Variants in RASA3 observed in about 807,000 individuals in gnomAD.
RASA3 encodes the protein RAS p21 protein activator 3, also known as ras GTPase-activating protein 3.
Under a neutral mutation model 110.0 loss-of-function variants are expected in RASA3, and 73 were observed. The ratio of observed to expected loss-of-function variants is 0.66; its 90% CI spans 0.55 to 0.81. The LOEUF (loss-of-function observed/expected upper bound fraction) is 0.81, where lower values mean the gene tolerates loss of function less well. Among genes scored for constraint, RASA3 ranks in the 30% least tolerant of loss-of-function variants. The pLI, the probability that RASA3 is intolerant of heterozygous loss-of-function variation, is 0.00. For missense variants in RASA3, 976 were observed against 1,113.2 expected (o/e 0.88, Z 1.75); for synonymous variants, 500 against 451.4 (o/e 1.11, Z -1.37).
chr13:114,065,345 G>A lies in RASA3; in HGVS notation c.173+8375C>T, dbSNP rs748678047. ...CAGGCTCGGGGCCCATTTCCCAAAC[G>A]CTGGGGGGAGCCGGGAGCTGCCAGG... On this transcript the variant is annotated intron_variant, in intron 2 of 23. Transcript: ENST00000334062. This position sits in a 1 kb window ranked among gnomAD's most constrained non-coding sequence, Gnocchi z 4.1. 4.6e-5 allele frequency among the ~76,000 whole-genome samples: 7 copies of A among 152,216 alleles called. No individual in the cohort carries two copies. The highest frequency in any genetic ancestry group is 5.9e-5 in the Non-Finnish European group (4 of 68,040).
chr13:114,034,866 C>G lies in RASA3; in HGVS notation c.373-4979G>C, dbSNP rs193022657. 8.1e-4 allele frequency among the ~76,000 whole-genome samples: 123 copies of G among 152,162 alleles called. No homozygotes were observed. The Middle Eastern group carries it at 0.01, about 13-fold the overall frequency. On this transcript the variant is annotated intron_variant, in intron 4 of 23. Transcript: ENST00000334062. Reference sequence around the variant, plus strand: ...AGGGGAATCTGGAGTGCCGGCCACACAGACTAGAGCAGAAGGGAGATCTGA... The same window carrying G: ...AGGGGAATCTGGAGTGCCGGCCACAGAGACTAGAGCAGAAGGGAGATCTGA...
intron 3 of RASA3, among the ~76,000 whole-genome samples, chr13:114,046,572 C>T (rs1046181945): frequency 6.6e-6 from 1 of 152,172 alleles, no homozygotes; most frequent in African/African-American, 2.4e-5. Context: ...CGGGGTTGTT[C>T]CTATGGAAAG....
At chr13:114,012,279 G>C (rs1020087121) in intron 15 of RASA3, among the ~76,000 whole-genome samples, 1 of 151,778 alleles carries the variant, frequency 6.6e-6, no homozygotes, top group African/African-American at 2.4e-5. Flanking sequence ...CACCTGCAAC[G>C]AGGACGTTCC....
intron 14 of RASA3, among the ~76,000 whole-genome samples, chr13:114,013,995 TCTCCGTCTGTCTCTGTCTCTCTCC>T (rs2053730067): frequency 2.8e-5 from 4 of 142,132 alleles, no homozygotes; most frequent in African/African-American, 8.3e-5. Flanking sequence ...TCTCCATCTC[TCTCCGTCTGTCTCTGTCTCTCTCC>T]ATCTCTCTCT....
chr13:113,995,824 G>A (rs1357117696), intron 21 of RASA3, among the ~76,000 whole-genome samples: 1 of 63,728 alleles, frequency 1.6e-5, no homozygotes, highest in Non-Finnish European at 3.1e-5. Context: ...CTGACGGGGG[G>A]CCCGGCTGAC....
intron 1 of RASA3, among the ~76,000 whole-genome samples, chr13:114,074,217 G>A (rs965709736): frequency 6.6e-5 from 10 of 152,208 alleles, no homozygotes; most frequent in Admixed American, 5.2e-4. Flanking sequence ...CATCACCACC[G>A]TCCTCTCTGG....
chr13:114,016,319 C>A lies in RASA3; in HGVS notation c.1207-48G>T. On this transcript the variant is annotated intron_variant, in intron 12 of 23. Coordinates refer to ENST00000334062, the MANE Select transcript of RASA3 (RefSeq NM_007368.4). ...GCTCTGTGAGTGGGTTCTGGGGGCA[C>A]AGGCAGGGAGGGTGGAAGGGGTCTC... 7 of 1,406,496 alleles carry A rather than the reference C, an allele frequency of 5.0e-6. 1 individual carries two copies. Among genetic ancestry groups the A allele is most frequent in the African/African-American group, 2.8e-5 (2 of 70,474 alleles). 87.1% of individuals were successfully genotyped at this position (1,406,496 alleles called of 1,614,324 possible).
intron 3 of RASA3, among the ~76,000 whole-genome samples, chr13:114,043,837 G>GCCCCCCCCCCCCCCCCCCCCCCCC (rs544129523): frequency 1.8e-4 from 4 of 22,832 alleles, no homozygotes; most frequent in African/African-American, 6.9e-4. Flanking sequence ...CACTCGCTGA[G>GCCCCCCCCCCCCCCCCCCCCCCCC]CCCCCCGCCC....
rs758486985 is a variant in RASA3, at chr13:114,017,320, G to C, written c.1123C>G (p.Leu375Val). ...DPNTIFRGNS[L>V]ASKCIDETMK... is the part of the protein sequence containing the mutation. ...GTCTCGTCGATGCACTTGGACGCCA[G>C]TGAGTTTCCTCGGAAGATGGTGTTG... The change falls in exon 12 of 24, where the codon CTG (leucine) becomes GTG (valine). Residue 375 changes from leucine to valine, a missense_variant. Coordinates refer to ENST00000334062, the MANE Select transcript of RASA3 (RefSeq NM_007368.4). 1 of 1,614,052 alleles carries C rather than the reference G, an allele frequency of 6.2e-7. No individual in the cohort carries two copies. The highest frequency in any genetic ancestry group is 1.1e-5 in the South Asian group (1 of 91,078).
At chr13:114,034,160 TATCCGTG>T (rs777797226) in intron 4 of RASA3, among the ~76,000 whole-genome samples, 7 of 152,226 alleles carry the variant, frequency 4.6e-5, no homozygotes, top group Non-Finnish European at 1.0e-4. Flanking sequence ...CTGGGCCTGC[TATCCGTG>T]GCTATCCACG....
At chr13:114,083,032 G>A (rs559678145) in intron 1 of RASA3, among the ~76,000 whole-genome samples, 5 of 152,306 alleles carry the variant, frequency 3.3e-5, no homozygotes, top group Admixed American at 6.5e-5. Context: ...CAAAAAGTGC[G>A]TCATCACTGA....
intron 1 of RASA3, among the ~76,000 whole-genome samples, chr13:114,081,477 A>C (rs1039411377): frequency 2.0e-5 from 3 of 152,194 alleles, no homozygotes; most frequent in Non-Finnish European, 4.4e-5. Flanking sequence ...CTGTGAATCC[A>C]GCTGGTCTAC....
At chr13:114,060,183 T>C (rs9525364) in intron 2 of RASA3, among the ~76,000 whole-genome samples, 93,990 of 152,070 alleles carry the variant, frequency 0.62, 30,712 homozygotes, top group African/African-American at 0.84. Flanking sequence ...AGGAGAAGGC[T>C]GACGTGGCCT....
chr13:114,118,797 G>A (rs2080328591), intron 1 of RASA3, among the ~76,000 whole-genome samples: 1 of 152,226 alleles, frequency 6.6e-6, no homozygotes, highest in African/African-American at 2.4e-5. Context: ...CTGAAAGTCA[G>A]CAGCTGTATC....
chr13:114,040,955 G>A, intron 4 of RASA3, 45 bp downstream of exon 4: 1 of 1,581,886 alleles, frequency 6.3e-7, no homozygotes. Flanking sequence ...GAAGCCCCAT[G>A]GTGTCCCAGG....
At chr13:114,071,546 G>A (rs749860410) in intron 2 of RASA3, among the ~76,000 whole-genome samples, 37 of 152,230 alleles carry the variant, frequency 2.4e-4, no homozygotes, top group Admixed American at 3.9e-4. Context: ...TGAAGGGCTC[G>A]GTCTCTTCCC....
rs560758815 is a variant in RASA3, at chr13:114,087,252, T to C, written c.56-13415A>G. ...CGGGGAAGTGCTGAGTCTGGAGTAT[T>C]TATTCCCTTCGTCCTCGCGGGGAAA... On this transcript the variant is annotated intron_variant, in intron 1 of 23. Coordinates refer to ENST00000334062, the MANE Select transcript of RASA3 (RefSeq NM_007368.4). 3.8e-3 allele frequency among the ~76,000 whole-genome samples: 167 copies of C among 43,486 alleles called. 2 individuals are homozygous for C. The highest frequency in any genetic ancestry group is 8.5e-3 in the Non-Finnish European group (95 of 11,212). The allele number at this position is 43,486 out of a possible 152,430, so 28.5% of individuals were successfully genotyped here. A position where few individuals can be genotyped will look rare whatever the true frequency, so the allele number is the denominator to read the frequency against.
intron 1 of RASA3, among the ~76,000 whole-genome samples, chr13:114,130,089 C>T (rs1169988968): frequency 6.6e-6 from 1 of 152,196 alleles, no homozygotes; most frequent in Non-Finnish European, 1.5e-5. Context: ...GCTGGAGCCC[C>T]GGGGTATCAG....
chr13:114,122,174 C>G (rs1462087190), intron 1 of RASA3, among the ~76,000 whole-genome samples: 4 of 152,274 alleles, frequency 2.6e-5, no homozygotes, highest in Non-Finnish European at 5.9e-5. Flanking sequence ...CTCCAGCCTT[C>G]AGGGCCCCTC....
Sources: allele counts gnomAD v4.1 joint callset (sites outside exome capture counted in the v4.1 genomes callset), GRCh38; gene constraint gnomAD v4.1.1; non-coding constraint Gnocchi (gnomAD v3.1); transcripts MANE v1.5; gene names NCBI Gene and HGNC (gene_info 2026-07-23, HGNC 2026-07-21).